Variants in SNX8 observed in about 807,000 individuals in gnomAD.
SNX8 encodes the protein sorting nexin 8.
SNX8 carries 25 observed loss-of-function variants against 51.6 expected under a neutral mutation model. That is an observed-to-expected ratio of 0.48 (90% CI 0.35 to 0.68). SNX8 has a LOEUF of 0.68. Among genes scored for constraint, SNX8 ranks in the 30% least tolerant of loss-of-function variants. The pLI is 0.00. For synonymous variants in SNX8, 324 were observed against 277.0 expected, an observed-to-expected ratio of 1.17 and a Z score of -1.68; for missense variants, 695 against 624.0, an observed-to-expected ratio of 1.11 and a Z score of -1.21.
intron 1 of SNX8, among the ~76,000 whole-genome samples, chr7:2,282,732 T>G (rs1795935535): frequency 6.6e-6 from 1 of 152,106 alleles, no homozygotes; most frequent in African/African-American, 2.4e-5. Context: ...TTCCCAGCAC[T>G]TTGGGAGGCC....
chr7:2,281,697 C>G (rs1359794744), intron 1 of SNX8, among the ~76,000 whole-genome samples: 1 of 152,098 alleles, frequency 6.6e-6, no homozygotes, highest in African/African-American at 2.4e-5. Flanking sequence ...GCCAGCTTGG[C>G]CCCCAGCTGG....
chr7:2,337,415 C>G (rs1778850863), intron 1 of SNX8: 2 of 151,850 alleles, frequency 1.3e-5, no homozygotes, highest in Admixed American at 6.6e-5. Flanking sequence ...CACCCCTGCA[C>G]TCCAGCCTGG....
At chr7:2,313,179 G>T (rs779844745) in intron 1 of SNX8, among the ~76,000 whole-genome samples, 1 of 151,846 alleles carries the variant, frequency 6.6e-6, no homozygotes, top group Non-Finnish European at 1.5e-5. Context: ...GATTACAAGC[G>T]TGAGCCACCG....
In SNX8 at chr7:2,263,322, C is replaced by A. The variant is rs749831772; in HGVS notation, c.823G>T (p.Ala275Ser). Residue 275 changes from alanine (A) to serine (S), a missense_variant, in exon 7 of 11, where the codon GCT (alanine) becomes TCT (serine). Ala to Ser is a moderately conservative substitution (Grantham distance 99). Coordinates refer to ENST00000222990, the MANE Select transcript of SNX8 (RefSeq NM_013321.4). ...GACCCCCACGTGCTGCTATTCAGAG[C>A]GGCCCAGGAGGGCAGCGGGGTCGTG... is the stretch of plus-strand genomic sequence containing the variant. Reference protein sequence around the residue: ...SDTTPLPSWAALNSSTWGSLK... With the variant: ...SDTTPLPSWASLNSSTWGSLK... 1.9e-6 allele frequency: 3 copies of A among 1,613,096 alleles called. No individual in the cohort carries two copies. Among genetic ancestry groups the A allele is most frequent in the East Asian group, 2.2e-5 (1 of 44,858 alleles).
chr7:2,264,498 T>G, intron 5 of SNX8, 40 bp from the exon 6 acceptor site: 2 of 1,580,576 alleles, frequency 1.3e-6, no homozygotes, highest in Non-Finnish European at 1.7e-6. Flanking sequence ...TGTTAGTCGC[T>G]GGGGAGCACC....
intron 1 of SNX8, among the ~76,000 whole-genome samples, chr7:2,286,508 C>T (rs1044572507): frequency 1.2e-4 from 18 of 147,644 alleles, no homozygotes; most frequent in Admixed American, 4.2e-4. Context: ...ATGTGCCATA[C>T]GGGCTATTTT....
rs61385746 is a variant in SNX8 at position 2,331,705 on chromosome 7, A to AAAATAAATAAATAAAT, written c.-66+22501_-66+22516dup. ...GGGCAACAGAGTGACACTCCGTCTC[A>AAAATAAATAAATAAAT]AAATAAATAAATAAATAAATAAATA... On this transcript the variant is annotated intron_variant, in intron 1 of 5. Coordinates refer to the SNX8 transcript ENST00000435336. 6.9e-3 allele frequency among the ~76,000 whole-genome samples: 1,008 copies of AAAATAAATAAATAAAT among 145,570 alleles called. 11 individuals carry two copies. Among genetic ancestry groups the AAAATAAATAAATAAAT allele is most frequent in the African/African-American group, 0.024 (960 of 39,750 alleles).
chr7:2,274,850 C>CTGCACAGCAAGGGCT (rs1264606221), intron 3 of SNX8: 1 of 478,070 alleles, frequency 2.1e-6, no homozygotes, highest in African/African-American at 2.0e-5. Context: ...TCTTTCACAC[C>CTGCACAGCAAGGGCT]TGCACAGCAA....
At chr7:2,279,435 T>G (rs1795860483) in intron 1 of SNX8, among the ~76,000 whole-genome samples, 1 of 152,122 alleles carries the variant, frequency 6.6e-6, no homozygotes. Flanking sequence ...GAGTCGACGC[T>G]GCGGGCACGT....
intron 4 of SNX8, among the ~76,000 whole-genome samples, chr7:2,270,210 C>A (rs1480849857): frequency 6.9e-6 from 1 of 145,730 alleles, no homozygotes; most frequent in Non-Finnish European, 1.5e-5. Context: ...CAGGAGCCAC[C>A]CAGGAGATAC....
chr7:2,343,221 G>A (rs1411335479), intron 1 of SNX8, among the ~76,000 whole-genome samples: 2 of 151,794 alleles, frequency 1.3e-5, no homozygotes, highest in Non-Finnish European at 2.9e-5. Flanking sequence ...ATGAGCCACC[G>A]CACCTGGCCT....
chr7:2,317,251 C>CTTTTTTTTTTTT (rs780593342), upstream of SNX8, among the ~76,000 whole-genome samples: 5 of 43,120 alleles, frequency 1.2e-4, no homozygotes, highest in African/African-American at 3.1e-4. Flanking sequence ...CCTGGACCTT[C>CTTTTTTTTTTTT]TTTTTTTTTT....
chr7:2,265,761 A>G (rs1252873168), intron 5 of SNX8, among the ~76,000 whole-genome samples: 1 of 152,250 alleles, frequency 6.6e-6, no homozygotes, highest in Non-Finnish European at 1.5e-5. Flanking sequence ...ACTTTTTATA[A>G]GATTTGATAC....
chr7:2,304,498 T>C (rs896060253), intron 1 of SNX8, among the ~76,000 whole-genome samples: 5 of 150,610 alleles, frequency 3.3e-5, no homozygotes, highest in Admixed American at 1.3e-4. Context: ...GAGCGGAGAT[T>C]GCCCCACTGT....
At chr7:2,290,018 C>T (rs1796117444) in intron 1 of SNX8, among the ~76,000 whole-genome samples, 1 of 152,054 alleles carries the variant, frequency 6.6e-6, no homozygotes, top group Non-Finnish European at 1.5e-5. Flanking sequence ...CATGGTGAAA[C>T]CCTACCTCTA....
upstream of SNX8, among the ~76,000 whole-genome samples, chr7:2,315,027 T>A (rs1327393356): frequency 1.3e-5 from 2 of 148,320 alleles, no homozygotes; most frequent in Non-Finnish European, 3.0e-5. Flanking sequence ...CATTCATTCA[T>A]TCACCCACTC....
Position 2,352,731 on chromosome 7 carries a change from G to C in SNX8, c.-66+1491C>G, listed in dbSNP as rs1195473840. On this transcript the variant is annotated intron_variant, in intron 1 of 5. Coordinates refer to the SNX8 transcript ENST00000435336. The stretch of plus-strand genomic sequence containing the variant: ...GGCACCTGTATTCCCAGCTACTTGG[G>C]AGGCTGAGGCAAGAGAATGGCGTGA... 2.0e-5 allele frequency among the ~76,000 whole-genome samples: 3 copies of C among 152,124 alleles called. No homozygotes were observed. The East Asian group carries it at 5.8e-4, about 29-fold the overall frequency.
rs1483951928 is a variant in SNX8 at position 2,290,740 on chromosome 7, T to G, written c.95-12435A>C. On this transcript the variant is annotated intron_variant, in intron 1 of 10. Coordinates refer to ENST00000222990, the MANE Select transcript of SNX8 (RefSeq NM_013321.4). ...GTCAGCCACAGCACCAAGCAAAAGCTGCTGACACAAAGAGAACGTAGTCAA... is the reference window on the plus strand; with the variant it reads ...GTCAGCCACAGCACCAAGCAAAAGCGGCTGACACAAAGAGAACGTAGTCAA... 2.6e-5 allele frequency among the ~76,000 whole-genome samples: 4 copies of G among 152,278 alleles called. No homozygotes were observed. The East Asian group carries it at 7.7e-4, about 29-fold the overall frequency.
At chr7:2,297,151 C>A (rs1325872184) in intron 1 of SNX8, among the ~76,000 whole-genome samples, 1 of 151,916 alleles carries the variant, frequency 6.6e-6, no homozygotes, top group African/African-American at 2.4e-5. Context: ...TTAGTACAGC[C>A]TTTGCGGAAA....
Sources: gnomAD v4.1 joint callset for allele counts (sites outside exome capture counted in the v4.1 genomes callset) on GRCh38, gnomAD v4.1.1 for gene constraint, MANE v1.5 for transcripts, NCBI Gene and HGNC (gene_info 2026-07-23, HGNC 2026-07-21) for gene names.